The following CCDC181 variants were observed in gnomAD, a reference collection of about 807,000 sequenced individuals.
The protein encoded by CCDC181 is coiled-coil domain-containing protein 181.
In CCDC181, 35 loss-of-function variants were observed where a neutral mutation model predicts 58.7. That is an observed-to-expected ratio of 0.60 (90% CI 0.46 to 0.79). The LOEUF is 0.79. Among genes scored for constraint, CCDC181 ranks in the 30% least tolerant of loss-of-function variants. The pLI is 0.00. For synonymous variants in CCDC181, 183 were observed against 197.5 expected (o/e 0.93, Z 0.62); for missense variants, 517 against 583.9 (o/e 0.89, Z 1.18).
At chr1:169,410,052 A>G (rs536456765) in intron 4 of CCDC181, among the ~76,000 whole-genome samples, 1 of 152,296 alleles carries the variant, frequency 6.6e-6, no homozygotes, top group East Asian at 1.9e-4. Flanking sequence ...CCTTTACTGT[A>G]AACGGGATAA....
At chr1:169,448,432 A>G (rs576559774) in intron 2 of CCDC181, among the ~76,000 whole-genome samples, 6 of 152,194 alleles carry the variant, frequency 3.9e-5, no homozygotes, top group Non-Finnish European at 7.4e-5. Context: ...CACTTGTGAG[A>G]GATAATTTCA....
intron 4 of CCDC181, among the ~76,000 whole-genome samples, chr1:169,415,145 C>T (rs1189499965): frequency 6.6e-6 from 1 of 152,068 alleles, no homozygotes; most frequent in East Asian, 1.9e-4. Flanking sequence ...AAATATTGCA[C>T]AATATACTGT....
chr1:169,435,167 TACA>T (rs1553208046), intron 2 of CCDC181, among the ~76,000 whole-genome samples: 6 of 152,070 alleles, frequency 3.9e-5, no homozygotes, highest in Non-Finnish European at 8.8e-5. Flanking sequence ...TGATAGATGC[TACA>T]ACATTGATGA....
intron 2 of CCDC181, among the ~76,000 whole-genome samples, chr1:169,432,604 T>C (rs2101739896): frequency 6.6e-6 from 1 of 152,122 alleles, no homozygotes; most frequent in Middle Eastern, 3.4e-3. Context: ...TTTGCAAAAA[T>C]CCTCTACAAA....
At chr1:169,460,653 CGCACAAATTGG>C (rs1488639996) in exon 1 of CCDC181, 1 of 152,438 alleles carries the variant, frequency 6.6e-6, no homozygotes, top group East Asian at 1.9e-4. Flanking sequence ...TCACTCCACG[CGCACAAATTGG>C]ACCCCAAGAC....
intron 4 of CCDC181, among the ~76,000 whole-genome samples, chr1:169,417,007 C>T (rs1656244364): frequency 6.6e-6 from 1 of 152,088 alleles, no homozygotes; most frequent in Admixed American, 6.6e-5. Context: ...AGGAAATTCA[C>T]AGAATAATAC....
At chr1:169,398,643 T>G (rs1655181980) in intron 4 of CCDC181, among the ~76,000 whole-genome samples, 1 of 152,180 alleles carries the variant, frequency 6.6e-6, no homozygotes, top group Non-Finnish European at 1.5e-5. Flanking sequence ...TAAATAAAAT[T>G]TAAACTTCAG....
At chr1:169,418,887 G>C in intron 4 of CCDC181, 126 bp downstream of exon 4, 1 of 676,526 alleles carries the variant, frequency 1.5e-6, no homozygotes, top group Non-Finnish European at 2.5e-6. Context: ...TCTTTTGCAA[G>C]GGTAGTTCTT....
chr1:169,413,879 G>A (rs950560406), intron 4 of CCDC181, among the ~76,000 whole-genome samples: 2 of 152,006 alleles, frequency 1.3e-5, no homozygotes, highest in Admixed American at 6.6e-5. Context: ...GAGGGTGGGG[G>A]GCTAGGGGAG....
intron 2 of CCDC181, among the ~76,000 whole-genome samples, chr1:169,423,235 C>G (rs1656566202): frequency 6.6e-6 from 1 of 151,706 alleles, no homozygotes; most frequent in Non-Finnish European, 1.5e-5. Flanking sequence ...AGTCAGATGT[C>G]TAATAAGCAA....
At chr1:169,433,213 A>G (rs1656965529) in intron 2 of CCDC181, among the ~76,000 whole-genome samples, 1 of 148,930 alleles carries the variant, frequency 6.7e-6, no homozygotes, top group Non-Finnish European at 1.5e-5. Flanking sequence ...AAGGAAATTA[A>G]GAAAACAATT....
At chr1:169,418,610 T>G (rs530241949) in intron 4 of CCDC181, among the ~76,000 whole-genome samples, 2 of 152,152 alleles carry the variant, frequency 1.3e-5, no homozygotes, top group East Asian at 3.9e-4. Context: ...GTTTTTTTAA[T>G]TCTTTTAAAT....
intron 4 of CCDC181, among the ~76,000 whole-genome samples, chr1:169,398,952 G>A (rs1206231275): frequency 6.6e-6 from 1 of 152,296 alleles, no homozygotes; most frequent in East Asian, 1.9e-4. Flanking sequence ...AACAATAAGA[G>A]CAAAGGAGCT....
At chr1:169,449,554 A>G (rs1413875621) in intron 2 of CCDC181, among the ~76,000 whole-genome samples, 1 of 152,238 alleles carries the variant, frequency 6.6e-6, no homozygotes, top group Non-Finnish European at 1.5e-5. Flanking sequence ...CGAGTCCCAA[A>G]ACCTCAAAAG....
In CCDC181 at chr1:169,458,083, C is replaced by A. The variant is rs567016187; in HGVS notation, c.-24+1714G>T. ...TTATTCATTTTCATTCCTGTATAGT[C>A]ATATTTTAAGTACTCACTAGTCACA... On this transcript the variant is annotated intron_variant, in intron 2 of 6. Transcript: ENST00000545005. Among the ~76,000 whole-genome samples, 13 of 151,558 alleles carry A rather than the reference C, an allele frequency of 8.6e-5. No individual in the cohort carries two copies. The East Asian group carries it at 2.5e-3, about 29-fold the overall frequency.
At chr1:169,396,121 T>C (rs1438427822) in intron 5 of CCDC181, 1 of 152,174 alleles carries the variant, frequency 6.6e-6, no homozygotes, top group Non-Finnish European at 1.5e-5. Flanking sequence ...TGTAAATACA[T>C]GTACAGACAA....
At chr1:169,402,845 A>G (rs936572218) in intron 4 of CCDC181, among the ~76,000 whole-genome samples, 3 of 152,228 alleles carry the variant, frequency 2.0e-5, no homozygotes, top group Admixed American at 2.0e-4. Context: ...TGCTCCAATT[A>G]AAAGACACAG....
rs1186057285 is a variant in CCDC181, at chr1:169,422,026, G to A, written c.405C>T (p.Asn135=). The A allele has an allele frequency of 6.2e-7, 1 of 1,613,898 alleles. No homozygotes were observed. The highest frequency in any genetic ancestry group is 1.3e-5 in the African/African-American group (1 of 74,904). Residue 135 remains asparagine (N), a synonymous_variant, in exon 3 of 6, where the codon AAC becomes AAT. Transcript: ENST00000367806. ...RYIMEKIVQA[N]KLLQNQEPVN... is the part of the protein sequence containing the mutation. ...CCGGTTCTTGATTCTGTAGAAGCTT[G>A]TTAGCTTGTACAATTTTCTCCATAA...
intron 2 of CCDC181, among the ~76,000 whole-genome samples, chr1:169,423,908 T>C (rs1021161252): frequency 1.3e-5 from 2 of 152,022 alleles, no homozygotes; most frequent in African/African-American, 4.8e-5. Context: ...TCCATTTGTC[T>C]TTTCCATTAT....
Sources: gnomAD v4.1 joint callset for allele counts (sites outside exome capture counted in the v4.1 genomes callset) on GRCh38, gnomAD v4.1.1 for gene constraint, MANE v1.5 for transcripts, NCBI Gene and HGNC (gene_info 2026-07-23, HGNC 2026-07-21) for gene names.